The following PLD1 variants were observed in gnomAD, a reference collection of about 807,000 sequenced individuals.
PLD1 encodes the protein phospholipase D1.
In PLD1, 112 loss-of-function variants were observed where a neutral mutation model predicts 137.1. The ratio of observed to expected loss-of-function variants is 0.82; its 90% CI spans 0.70 to 0.96. The LOEUF is 0.96. Among genes scored for constraint, PLD1 ranks in the 40% least tolerant of loss-of-function variants. The probability of loss-of-function intolerance (pLI) is 0.00; values close to 1 mark genes in which losing one functional copy is unlikely to be tolerated. For missense variants in PLD1, 1,321 were observed against 1,342.0 expected (o/e 0.98, Z 0.24); for synonymous variants, 431 against 454.7 (o/e 0.95, Z 0.66).
intron 5 of PLD1, among the ~76,000 whole-genome samples, chr3:171,733,998 C>A (rs9826766): frequency 0.36 from 54,736 of 151,942 alleles, 10,951 homozygotes; most frequent in African/African-American, 0.51. Context: ...GTGGAGGCAG[C>A]AGGGGAGTAG....
intron 23 of PLD1, among the ~76,000 whole-genome samples, chr3:171,639,571 AT>A (rs1362348224): frequency 1.7e-4 from 15 of 90,346 alleles, no homozygotes; most frequent in East Asian, 5.3e-4. Flanking sequence ...TATATTATAT[AT>A]AATATATATT....
chr3:171,771,362 C>T (rs930520352), intron 1 of PLD1: 4 of 152,342 alleles, frequency 2.6e-5, no homozygotes, highest in African/African-American at 9.7e-5. Flanking sequence ...TTTTGGCTGA[C>T]TCCCTCAAGG....
intron 20 of PLD1, among the ~76,000 whole-genome samples, chr3:171,659,895 T>C (rs1737525557): frequency 6.6e-6 from 1 of 152,168 alleles, no homozygotes; most frequent in Non-Finnish European, 1.5e-5. Flanking sequence ...GTTAATAAAA[T>C]AAAAAATGTT....
intron 11 of PLD1, among the ~76,000 whole-genome samples, chr3:171,705,644 C>T (rs1716622586): frequency 6.6e-6 from 1 of 152,144 alleles, no homozygotes; most frequent in African/African-American, 2.4e-5. Context: ...CTGATACAAG[C>T]TAAAATCATA....
chr3:171,659,459 G>A (rs1203833714), intron 20 of PLD1, among the ~76,000 whole-genome samples, 158 bp from the exon 21 acceptor site: 3 of 152,232 alleles, frequency 2.0e-5, no homozygotes, highest in East Asian at 1.9e-4. Flanking sequence ...AAAAAAAGCC[G>A]CCTCATCTCA....
At chr3:171,796,939 G>A (rs997793721) in intron 1 of PLD1, among the ~76,000 whole-genome samples, 9 of 152,108 alleles carry the variant, frequency 5.9e-5, no homozygotes, top group Non-Finnish European at 1.0e-4. Flanking sequence ...TGCACCATCC[G>A]TCGCAATGCC....
At chr3:171,661,270 C>A (rs1361362578) in intron 20 of PLD1, among the ~76,000 whole-genome samples, 1 of 152,148 alleles carries the variant, frequency 6.6e-6, no homozygotes, top group South Asian at 2.1e-4. Flanking sequence ...GGAAGAAAAA[C>A]AGGGCTAGAA....
intron 1 of PLD1, chr3:171,791,691 C>T (rs540925865): frequency 2.6e-5 from 4 of 152,272 alleles, no homozygotes; most frequent in Non-Finnish European, 4.4e-5. Context: ...AAGGCTGGAT[C>T]GAAGTATTGA....
chr3:171,628,239 G>A (rs574141671), intron 23 of PLD1, among the ~76,000 whole-genome samples: 15 of 152,272 alleles, frequency 9.9e-5, no homozygotes, highest in African/African-American at 2.4e-4. Context: ...ACACCGCTAC[G>A]CAAATAAACT....
At chr3:171,737,736 T>G (rs1260224475) in intron 2 of PLD1, 77 bp from the exon 3 acceptor site, 5 of 1,297,050 alleles carry the variant, frequency 3.9e-6, no homozygotes, top group African/African-American at 1.5e-5. Flanking sequence ...CTTTTAAGAA[T>G]CACGTGTTAA....
intron 16 of PLD1, among the ~76,000 whole-genome samples, chr3:171,685,684 C>T (rs903394577): frequency 1.3e-5 from 2 of 152,174 alleles, no homozygotes; most frequent in East Asian, 3.8e-4. Flanking sequence ...GCGGCCAAAT[C>T]CTTCTTTATT....
rs1189107209 is a variant in PLD1, at chr3:171,737,571, T to C, written c.249A>G (p.Ala83=). The change falls in exon 3 of 27, where the codon GCA becomes GCG. Residue 83 remains alanine, a synonymous_variant. Coordinates refer to ENST00000351298, the MANE Select transcript of PLD1 (RefSeq NM_002662.5). ...QTYLSGCPIK[A]QVLEVERFTS... ...TGAAGCGTTCCACTTCCAGAACTTGTGCTTTTATTGGACAGCCGGAGAGAT... is the reference window on the plus strand; with the variant it reads ...TGAAGCGTTCCACTTCCAGAACTTGCGCTTTTATTGGACAGCCGGAGAGAT... 1 of 1,612,990 alleles carries C rather than the reference T, an allele frequency of 6.2e-7. No individual in the cohort carries two copies. Among genetic ancestry groups the C allele is most frequent in the Non-Finnish European group, 8.5e-7 (1 of 1,179,688 alleles).
intron 1 of PLD1, among the ~76,000 whole-genome samples, chr3:171,748,678 T>C (rs1245992148): frequency 3.3e-5 from 5 of 152,000 alleles, no homozygotes; most frequent in Admixed American, 2.6e-4. Context: ...AAAATGTTTG[T>C]TGAGGCAGTA....
rs558221146 is a variant in PLD1, at chr3:171,668,961, C to T, written c.2229+5539G>A. Among the ~76,000 whole-genome samples, 11 of 152,316 alleles carry T rather than the reference C, an allele frequency of 7.2e-5. No homozygotes were observed. The South Asian group carries it at 1.9e-3, about 26-fold the overall frequency. On this transcript the variant is annotated intron_variant, in intron 19 of 26. Coordinates refer to ENST00000351298, the MANE Select transcript of PLD1 (RefSeq NM_002662.5). The stretch of plus-strand genomic sequence containing the variant: ...TCCCACTTCCTCCTGCTACCCATGC[C>T]TTTTCCTGCCATGTCTTCTCTGAGT...
At chr3:171,770,442 G>T (rs1722264910) in intron 1 of PLD1, among the ~76,000 whole-genome samples, 1 of 152,186 alleles carries the variant, frequency 6.6e-6, no homozygotes, top group Non-Finnish European at 1.5e-5. Context: ...CATCAGACAA[G>T]CACGCACCAG....
chr3:171,747,168 C>T (rs935893189), intron 1 of PLD1, among the ~76,000 whole-genome samples: 4 of 152,134 alleles, frequency 2.6e-5, no homozygotes, highest in Non-Finnish European at 4.4e-5. Context: ...GGAACAAACT[C>T]CGGACACACC....
intron 1 of PLD1, among the ~76,000 whole-genome samples, chr3:171,745,415 C>T (rs979432938): frequency 6.6e-6 from 1 of 152,166 alleles, no homozygotes; most frequent in African/African-American, 2.4e-5. Context: ...CATCTGCATC[C>T]CTGGCCTCTG....
chr3:171,710,872 C>CTT (rs774704143), intron 9 of PLD1, among the ~76,000 whole-genome samples: 4,416 of 98,532 alleles, frequency 0.045, 439 homozygotes, highest in South Asian at 0.079. Context: ...GAAAACTGTT[C>CTT]TTTTTTTTTT....
intron 12 of PLD1, among the ~76,000 whole-genome samples, chr3:171,697,493 C>T (rs1715859094): frequency 6.6e-6 from 1 of 151,956 alleles, no homozygotes; most frequent in Non-Finnish European, 1.5e-5. Flanking sequence ...CGCCCTGCCC[C>T]GCACAGTACT....
Sources: gnomAD v4.1 joint callset for allele counts (sites outside exome capture counted in the v4.1 genomes callset) on GRCh38, gnomAD v4.1.1 for gene constraint, MANE v1.5 for transcripts, NCBI Gene and HGNC (gene_info 2026-07-23, HGNC 2026-07-21) for gene names.